The following IFI44 variants were observed in gnomAD, a reference collection of about 807,000 sequenced individuals.
The protein encoded by IFI44 is interferon-induced protein 44.
Under a neutral mutation model 45.0 loss-of-function variants are expected in IFI44, and 42 were observed. That is an observed-to-expected ratio of 0.93 (90% confidence interval 0.73 to 1.21). The LOEUF is 1.21. Among genes scored for constraint, IFI44 ranks in the 50% most tolerant of loss-of-function variants. IFI44 has a pLI of 0.00. For missense variants in IFI44, 623 were observed against 525.8 expected, an observed-to-expected ratio of 1.18 and a Z score of -1.81; for synonymous variants, 221 against 188.6, an observed-to-expected ratio of 1.17 and a Z score of -1.41.
chr1:78,663,650 C>T (rs978441068), intron 8 of IFI44, 115 bp from the exon 9 acceptor site: 20 of 1,478,508 alleles, frequency 1.4e-5, no homozygotes, highest in Middle Eastern at 3.6e-4. Flanking sequence ...CCTCATGGTA[C>T]GTGTGCTCCT....
rs1169070429 is a variant in IFI44 at position 78,650,544 on chromosome 1, G to C, written c.349G>C (p.Asp117His). ...TAACTCCCCAACTAATTTCCAGATA[G>C]ATGGAAGAAATAGAAAAGTGATTAT... The part of the protein sequence containing the change: ...KYNSPTNFQI[D>H]GRNRKVIMDL... Residue 117 changes from aspartate to histidine, a missense_variant, in exon 2 of 9, where the codon GAT becomes CAT. Coordinates refer to ENST00000370747, the MANE Select transcript of IFI44 (RefSeq NM_006417.5). 1.2e-6 allele frequency: 2 copies of C among 1,613,478 alleles called. No individual in the cohort carries two copies. Among genetic ancestry groups the C allele is most frequent in the Non-Finnish European group, 1.7e-6 (2 of 1,179,442 alleles).
intron 2 of IFI44, among the ~76,000 whole-genome samples, chr1:78,651,503 C>G (rs997917943): frequency 1.3e-5 from 2 of 152,172 alleles, no homozygotes; most frequent in Non-Finnish European, 2.9e-5. Flanking sequence ...AAGCTTCACT[C>G]GCCTGCCTCT....
rs1219261640 is a variant in IFI44 at position 78,650,634 on chromosome 1, G to C, written c.439G>C (p.Glu147Gln). The change falls in exon 2 of 9, where the codon GAA becomes CAA. Residue 147 changes from glutamate (E) to glutamine (Q), a missense_variant. Transcript: ENST00000370747. ...QNCTISIQDY[E>Q]VFRCEDSLDE... ...TTGTACTATCTCTATTCAGGATTAT[G>C]AAGTTTTTCGATGCGAAGGTAGGTT... The C allele has an allele frequency of 3.2e-6, 5 of 1,585,874 alleles. No individual in the cohort carries two copies. The highest frequency in any genetic ancestry group is 3.4e-6 in the Non-Finnish European group (4 of 1,168,240).
Position 78,662,795 on chromosome 1 carries a change from A to G in IFI44, c.1205A>G (p.Lys402Arg). ...YSSEWELDPVKDVLILSALRR... is the reference protein window; with the variant it reads ...YSSEWELDPVRDVLILSALRR... ...TCTGAGTGGGAGCTGGACCCTGTAAAGGATGTTCTAATTCTTTCTGCTCTG... is the reference window on the plus strand; with the variant it reads ...TCTGAGTGGGAGCTGGACCCTGTAAGGGATGTTCTAATTCTTTCTGCTCTG... The change falls in exon 8 of 9, where the codon AAG becomes AGG. Residue 402 changes from lysine (K) to arginine (R), a missense_variant. Physicochemically the swap from Lys to Arg is conservative, Grantham distance 26. Coordinates refer to ENST00000370747, the MANE Select transcript of IFI44 (RefSeq NM_006417.5). 1 of 1,613,666 alleles carries G rather than the reference A, an allele frequency of 6.2e-7. No individual in the cohort carries two copies. Among genetic ancestry groups the G allele is most frequent in the Non-Finnish European group, 8.5e-7 (1 of 1,179,840 alleles).
rs748345460 is a variant in IFI44, at chr1:78,650,501, T to C, written c.306T>C (p.Cys102=). ...TATGTACACCAGAAACACTGTTTTGTTGTGATGTTACAAAATATAACTCCC... is the reference window on the plus strand; with the variant it reads ...TATGTACACCAGAAACACTGTTTTGCTGTGATGTTACAAAATATAACTCCC... ...LGLCTPETLF[C]CDVTKYNSPT... The change falls in exon 2 of 9, where the codon TGT becomes TGC. Residue 102 remains cysteine, a synonymous_variant. Coordinates refer to ENST00000370747, the MANE Select transcript of IFI44 (RefSeq NM_006417.5). 2 of 1,614,084 alleles carry C rather than the reference T, an allele frequency of 1.2e-6. No individual in the cohort carries two copies. Among genetic ancestry groups the C allele is most frequent in the South Asian group, 2.2e-5 (2 of 91,082 alleles).
At chr1:78,654,945 C>A in intron 3 of IFI44, 69 bp from the exon 4 acceptor site, 2 of 1,185,458 alleles carry the variant, frequency 1.7e-6, no homozygotes, top group South Asian at 2.3e-5. Context: ...AATGAATTCT[C>A]AGAAAATTTA....
intron 6 of IFI44, among the ~76,000 whole-genome samples, chr1:78,660,204 A>T (rs1647368419): frequency 6.6e-6 from 1 of 152,186 alleles, no homozygotes; most frequent in Admixed American, 6.6e-5. Flanking sequence ...CTTGTTTATT[A>T]GAGCCCTTTG....
Position 78,650,300 on chromosome 1 carries a change from C to A in IFI44, c.105C>A (p.Phe35Leu), listed in dbSNP as rs928278276. The change falls in exon 2 of 9, where the codon TTC becomes TTA. Residue 35 changes from phenylalanine to leucine, a missense_variant. Transcript: ENST00000370747. ...SLLYKGSVHG[F>L]RNGVLLDRCC... Reference sequence around the variant, plus strand: ...TCTATAAGGGTAGTGTCCATGGATTCCGTAATGGAGTTTTGCTTGACAGAT... The same window carrying A: ...TCTATAAGGGTAGTGTCCATGGATTACGTAATGGAGTTTTGCTTGACAGAT... 1.2e-6 allele frequency: 2 copies of A among 1,613,970 alleles called. No individual in the cohort carries two copies. The highest frequency in any genetic ancestry group is 1.7e-6 in the Non-Finnish European group (2 of 1,179,902).
At chr1:78,656,255 A>G (rs1647209164) in intron 5 of IFI44, among the ~76,000 whole-genome samples, 1 of 152,186 alleles carries the variant, frequency 6.6e-6, no homozygotes, top group African/African-American at 2.4e-5. Flanking sequence ...AAAAACACTG[A>G]GCACTGTCAG....
At chr1:78,659,736 T>C (rs190200014) in intron 6 of IFI44, among the ~76,000 whole-genome samples, 2 of 152,328 alleles carry the variant, frequency 1.3e-5, no homozygotes, top group African/African-American at 4.8e-5. Context: ...TAGAGACTTT[T>C]TTGTTAAGAA....
At chr1:78,660,452 T>C in intron 6 of IFI44, 102 bp from the exon 7 acceptor site, 1 of 851,122 alleles carries the variant, frequency 1.2e-6, no homozygotes, top group South Asian at 1.7e-5. Context: ...TCTTTCCAAA[T>C]CTGAAATTGT....
chr1:78,655,944 G>A (rs1647201505), intron 5 of IFI44, among the ~76,000 whole-genome samples: 2 of 152,126 alleles, frequency 1.3e-5, no homozygotes, highest in Non-Finnish European at 2.9e-5. Context: ...GGTATTTGGA[G>A]GTAGCGACTT....
chr1:78,652,376 C>T (rs923268684), intron 2 of IFI44, among the ~76,000 whole-genome samples: 3 of 152,278 alleles, frequency 2.0e-5, no homozygotes, highest in Non-Finnish European at 2.9e-5. Flanking sequence ...CCACCGTGCC[C>T]GGCTGGAATC....
chr1:78,657,971 A>G (rs1324962402), intron 5 of IFI44, among the ~76,000 whole-genome samples: 4 of 152,020 alleles, frequency 2.6e-5, no homozygotes, highest in Non-Finnish European at 5.9e-5. Context: ...TGAAACAGCT[A>G]TTTCTTCAAG....
intron 5 of IFI44, among the ~76,000 whole-genome samples, chr1:78,658,355 T>C (rs1647277575): frequency 6.6e-6 from 1 of 152,134 alleles, no homozygotes; most frequent in Admixed American, 6.5e-5. Context: ...ATAATCACAA[T>C]CAAAACTGGA....
intron 7 of IFI44, chr1:78,660,919 A>C (rs941168294): frequency 2.3e-6 from 1 of 443,568 alleles, no homozygotes; most frequent in African/African-American, 2.0e-5. Flanking sequence ...TAACCTATGC[A>C]CATCCTTTGG....
intron 7 of IFI44, among the ~76,000 whole-genome samples, chr1:78,661,914 G>A (rs907410657): frequency 6.6e-5 from 10 of 152,200 alleles, no homozygotes; most frequent in African/African-American, 2.4e-4. Context: ...TCAGGTTAGT[G>A]AAGGGCTGGA....
chr1:78,649,974 G>A (rs997381600), intron 1 of IFI44, 69 bp downstream of exon 1: 24 of 405,014 alleles, frequency 5.9e-5, no homozygotes, highest in African/African-American at 4.3e-4. Context: ...TCAGGTGACA[G>A]TGTCACTTGC....
At chr1:78,663,349 A>T (rs760281907) in intron 8 of IFI44, 9 of 985,334 alleles carry the variant, frequency 9.1e-6, no homozygotes, top group Non-Finnish European at 8.4e-6. Flanking sequence ...CTCTTCATGC[A>T]GTATGGTCAT....
Sources: allele counts gnomAD v4.1 joint callset (sites outside exome capture counted in the v4.1 genomes callset), GRCh38; gene constraint gnomAD v4.1.1; transcripts MANE v1.5; gene names NCBI Gene and HGNC (gene_info 2026-07-23, HGNC 2026-07-21).